The following IQCJ variants were observed in gnomAD, a reference collection of about 807,000 sequenced individuals.
The protein encoded by IQCJ is IQ domain-containing protein J.
IQCJ carries 9 observed loss-of-function variants against 11.0 expected under a neutral mutation model. That is an observed-to-expected ratio of 0.82 (90% CI 0.49 to 1.43). The LOEUF is 1.43. Ranked by LOEUF, IQCJ falls within the 40% of genes most tolerant of loss-of-function variation. IQCJ has a pLI of 0.00. For synonymous variants in IQCJ, 55 were observed against 51.3 expected (o/e 1.07, Z -0.31); for missense variants, 146 against 133.2 (o/e 1.10, Z -0.47).
Position 159,180,325 on chromosome 3 carries a change from A to G in IQCJ, c.10-65518A>G, listed in dbSNP as rs73877525. 6.8e-4 allele frequency among the ~76,000 whole-genome samples: 104 copies of G among 152,208 alleles called. 1 individual carries two copies. The highest frequency in any genetic ancestry group is 2.3e-3 in the African/African-American group (97 of 41,470). ...TTCTGTCTCTCTCTGTCACACACAC[A>G]TATACACACTCCTAGTGATTGTGTG... On this transcript the variant is annotated intron_variant, in intron 1 of 3. Transcript: ENST00000397832.
intron 1 of IQCJ, among the ~76,000 whole-genome samples, chr3:159,180,887 T>C (rs930760578): frequency 3.9e-5 from 6 of 152,032 alleles, no homozygotes; most frequent in Admixed American, 1.3e-4. Flanking sequence ...CATTTTGTCA[T>C]CAAGTTATAT....
chr3:159,168,458 A>T (rs1722299615), intron 1 of IQCJ, among the ~76,000 whole-genome samples: 1 of 152,206 alleles, frequency 6.6e-6, no homozygotes, highest in Non-Finnish European at 1.5e-5. Flanking sequence ...TATATTAAAA[A>T]TTCAGTCAAA....
At chr3:159,201,607 C>G (rs1377542314) in intron 1 of IQCJ, among the ~76,000 whole-genome samples, 2 of 132,580 alleles carry the variant, frequency 1.5e-5, no homozygotes, top group African/African-American at 5.6e-5. Context: ...ACAATAGAAA[C>G]AAAACTGTTG....
intron 1 of IQCJ, among the ~76,000 whole-genome samples, chr3:159,212,363 G>A (rs866189397): frequency 1.1e-4 from 17 of 152,230 alleles, no homozygotes; most frequent in South Asian, 4.2e-4. Flanking sequence ...CTGTAAAATG[G>A]GGGTCATGAT....
At chr3:159,088,408 G>A (rs1384694750) in intron 1 of IQCJ, among the ~76,000 whole-genome samples, 3 of 152,270 alleles carry the variant, frequency 2.0e-5, no homozygotes, top group Middle Eastern at 3.4e-3. Flanking sequence ...GATTTGGGGT[G>A]GAGAGTTCTG....
At chr3:159,255,092 T>TA (rs1385657592) in intron 3 of IQCJ, among the ~76,000 whole-genome samples, 11 of 152,300 alleles carry the variant, frequency 7.2e-5, no homozygotes, top group Admixed American at 6.5e-5. Context: ...GCATTGGGTA[T>TA]AAAAAATGTG....
intron 1 of IQCJ, among the ~76,000 whole-genome samples, chr3:159,220,589 C>A (rs1011877256): frequency 2.6e-5 from 4 of 152,114 alleles, no homozygotes; most frequent in Middle Eastern, 3.2e-3. Flanking sequence ...TTTGTTATAG[C>A]AGCTCTAGCA....
downstream of IQCJ, among the ~76,000 whole-genome samples, chr3:159,264,177 C>A (rs1014507303): frequency 6.6e-6 from 1 of 152,218 alleles, no homozygotes; most frequent in Non-Finnish European, 1.5e-5. Flanking sequence ...CAATTCACGA[C>A]AATTCTCAAT....
rs1194821021 is a variant in IQCJ, at chr3:159,195,821, A to G, written c.10-50022A>G. Reference sequence around the variant, plus strand: ...AAGGAAAATTAGTCTATTTTTGTTGATGGGTCCTCAGTAGCAGAAAGACAA... The same window carrying G: ...AAGGAAAATTAGTCTATTTTTGTTGGTGGGTCCTCAGTAGCAGAAAGACAA... On this transcript the variant is annotated intron_variant, in intron 1 of 3. Transcript: ENST00000397832. Among the ~76,000 whole-genome samples the G allele has an allele frequency of 3.9e-5, 6 of 152,200 alleles. No homozygotes were observed. In the East Asian group the frequency reaches 1.2e-3, roughly 29 times the overall value.
chr3:159,192,341 A>G lies in IQCJ; in HGVS notation c.10-53502A>G, dbSNP rs140856467. ...GCAGTTTTTCTTGTGTTCATTACAT[A>G]CAAAACTTGTATCCTGGTGCTATAG... On this transcript the variant is annotated intron_variant, in intron 1 of 3. Transcript: ENST00000397832. Among the ~76,000 whole-genome samples, 488 of 152,334 alleles carry G rather than the reference A, an allele frequency of 3.2e-3. 4 individuals carry two copies. Among genetic ancestry groups the G allele is most frequent in the African/African-American group, 0.011 (466 of 41,576 alleles).
chr3:159,244,873 C>T (rs1197321289), intron 1 of IQCJ, among the ~76,000 whole-genome samples: 1 of 152,098 alleles, frequency 6.6e-6, no homozygotes, highest in East Asian at 1.9e-4. Context: ...TGGGACTGGT[C>T]ACTTTGACAA....
At chr3:159,224,059 A>G (rs1401479908) in intron 1 of IQCJ, among the ~76,000 whole-genome samples, 1 of 151,308 alleles carries the variant, frequency 6.6e-6, no homozygotes, top group Non-Finnish European at 1.5e-5. Context: ...TTAAAATATC[A>G]TTTCCCACTA....
At chr3:159,070,069 G>A (rs1445341307) in intron 1 of IQCJ, 2 of 177,076 alleles carry the variant, frequency 1.1e-5, no homozygotes, top group Admixed American at 1.1e-4. Context: ...TGTTCAGCAG[G>A]AATTTTAGGT....
intron 1 of IQCJ, among the ~76,000 whole-genome samples, chr3:159,112,530 A>C (rs1234990884): frequency 6.6e-6 from 1 of 152,152 alleles, no homozygotes; most frequent in Non-Finnish European, 1.5e-5. Flanking sequence ...AAAGAACCTT[A>C]ATATCTCTGA....
chr3:159,173,387 T>C (rs900763245), intron 1 of IQCJ, among the ~76,000 whole-genome samples: 29 of 152,280 alleles, frequency 1.9e-4, no homozygotes, highest in African/African-American at 6.3e-4. Context: ...TTTTGGAGGG[T>C]ATATTTTCTA....
At chr3:159,210,911 A>T (rs1724918470) in intron 1 of IQCJ, among the ~76,000 whole-genome samples, 1 of 148,320 alleles carries the variant, frequency 6.7e-6, no homozygotes, top group East Asian at 2.1e-4. Flanking sequence ...ACCTCAGGTG[A>T]TCCGCCCACC....
chr3:159,124,412 A>C (rs965621354), intron 1 of IQCJ, among the ~76,000 whole-genome samples: 17 of 151,722 alleles, frequency 1.1e-4, no homozygotes, highest in African/African-American at 3.4e-4. Context: ...GGCTCAGATC[A>C]CTCTCCTCCT....
chr3:159,102,122 CA>C (rs1223105631), intron 1 of IQCJ, among the ~76,000 whole-genome samples: 2 of 152,194 alleles, frequency 1.3e-5, no homozygotes, highest in Non-Finnish European at 1.5e-5. Context: ...ATTCCTTTTA[CA>C]AACAAGAAAC....
intron 2 of IQCJ, among the ~76,000 whole-genome samples, chr3:159,249,762 T>C (rs1047014574): frequency 6.6e-6 from 1 of 152,218 alleles, no homozygotes; most frequent in Admixed American, 6.5e-5. Context: ...GAACAGTTGA[T>C]TGGTTATTCC....
Sources: allele counts gnomAD v4.1 joint callset (sites outside exome capture counted in the v4.1 genomes callset), GRCh38; gene constraint gnomAD v4.1.1; transcripts MANE v1.5; gene names NCBI Gene and HGNC (gene_info 2026-07-23, HGNC 2026-07-21).